The following PKNOX1 variants were observed in gnomAD, a reference collection of about 807,000 sequenced individuals.
The protein encoded by PKNOX1 is homeobox protein PKNOX1.
Under a neutral mutation model 51.9 loss-of-function variants are expected in PKNOX1, and 15 were observed. The observed-to-expected ratio is 0.29, with a 90% CI of 0.19 to 0.45. The LOEUF (loss-of-function observed/expected upper bound fraction) is 0.45. Ranked by LOEUF, PKNOX1 falls within the 20% of genes least tolerant of loss-of-function variation. The probability of loss-of-function intolerance (pLI) is 1.00; values close to 1 mark genes in which losing one functional copy is unlikely to be tolerated. For missense variants in PKNOX1, 462 were observed against 547.5 expected, an observed-to-expected ratio of 0.84 and a Z score of 1.56; for synonymous variants, 219 against 211.1, an observed-to-expected ratio of 1.04 and a Z score of -0.32.
At chr21:43,020,031 C>A (rs2146286395) in intron 7 of PKNOX1, among the ~76,000 whole-genome samples, 1 of 150,472 alleles carries the variant, frequency 6.6e-6, no homozygotes, top group East Asian at 2.0e-4. Context: ...CTCCCAGGCT[C>A]AAGCAATCCT....
chr21:43,007,376 T>G, intron 2 of PKNOX1, 115 bp from the exon 3 acceptor site: 1 of 882,692 alleles, frequency 1.1e-6, no homozygotes, highest in Non-Finnish European at 1.8e-6. Flanking sequence ...TTACATATGA[T>G]TGCAGTCATA....
intron 7 of PKNOX1, among the ~76,000 whole-genome samples, chr21:43,019,417 A>AAC (rs1017040212): frequency 1.3e-4 from 19 of 151,336 alleles, no homozygotes; most frequent in African/African-American, 4.6e-4. Context: ...AACAAAAAAA[A>AAC]AACACACATT....
At chr21:43,014,235 A>C (rs911776085) in intron 5 of PKNOX1, among the ~76,000 whole-genome samples, 5 of 151,852 alleles carry the variant, frequency 3.3e-5, no homozygotes, top group African/African-American at 4.8e-5. Flanking sequence ...ATTAGCCAGG[A>C]TGGTCTCGAT....
chr21:42,987,339 GC>G (rs1465954423), intron 1 of PKNOX1, among the ~76,000 whole-genome samples: 7 of 132,970 alleles, frequency 5.3e-5, no homozygotes, highest in Non-Finnish European at 9.3e-5. Flanking sequence ...CTGAGATCGT[GC>G]CATTACACTC....
chr21:42,992,714 T>C (rs528532860), intron 1 of PKNOX1, among the ~76,000 whole-genome samples: 2 of 151,082 alleles, frequency 1.3e-5, no homozygotes, highest in South Asian at 4.2e-4. Context: ...AGAGGAGGTC[T>C]TCACAGCACT....
At position 43,021,948 on chromosome 21, in the gene PKNOX1, C is replaced by G. The variant is rs748167835; in HGVS notation, c.849+517C>G. Among the ~76,000 whole-genome samples, 1 of 152,234 alleles carries G rather than the reference C, an allele frequency of 6.6e-6. No homozygotes were observed. Among genetic ancestry groups the G allele is most frequent in the Non-Finnish European group, 1.5e-5 (1 of 68,036 alleles). ...CCCCCGGGCCATGGCCGCGTCTTCT[C>G]CCTGTCCCCAGGACATCTTAGGAAG... On this transcript the variant is annotated intron_variant, in intron 8 of 10. Coordinates refer to ENST00000291547, the MANE Select transcript of PKNOX1 (RefSeq NM_004571.5). This position sits in a 1 kb window ranked among gnomAD's most constrained non-coding sequence, Gnocchi z 4.6.
intron 1 of PKNOX1, among the ~76,000 whole-genome samples, chr21:42,981,904 G>C (rs2059028254): frequency 6.6e-6 from 1 of 152,194 alleles, no homozygotes; most frequent in East Asian, 1.9e-4. Flanking sequence ...CTGTATTGTT[G>C]CTGGGCCTCT....
intron 1 of PKNOX1, among the ~76,000 whole-genome samples, chr21:42,991,076 T>A (rs993387810): frequency 2.0e-5 from 3 of 152,174 alleles, no homozygotes; most frequent in Non-Finnish European, 4.4e-5. Context: ...AAATATTCAG[T>A]GTGCCCAGGT....
In PKNOX1 at chr21:43,009,043, G is replaced by A. The variant is rs987015631; in HGVS notation, c.180-1010G>A. Among the ~76,000 whole-genome samples, 115 of 152,216 alleles carry A rather than the reference G, an allele frequency of 7.6e-4. 1 individual carries two copies. The highest frequency in any genetic ancestry group is 2.3e-3 in the African/African-American group (95 of 41,538). Reference sequence around the variant, plus strand: ...GTAAAAGGAATGAAGTGGCGGGCGCGGTGGCTCATGCCTGTAATCCCAGGA... The same window carrying A: ...GTAAAAGGAATGAAGTGGCGGGCGCAGTGGCTCATGCCTGTAATCCCAGGA... On this transcript the variant is annotated intron_variant, in intron 3 of 10. Coordinates refer to ENST00000291547, the MANE Select transcript of PKNOX1 (RefSeq NM_004571.5).
chr21:43,024,994 A>G (rs368748944), intron 9 of PKNOX1, 47 bp downstream of exon 9: 1 of 1,184,602 alleles, frequency 8.4e-7, no homozygotes. Flanking sequence ...ACGGTAGAGC[A>G]CTTGGAAACC....
rs543795950 is a variant in PKNOX1 at position 43,030,062 on chromosome 21, C to T, written c.1272C>T (p.Ile424=). The T allele has an allele frequency of 1.1e-5, 18 of 1,609,782 alleles. No individual in the cohort carries two copies. Among genetic ancestry groups the T allele is most frequent in the Admixed American group, 1.7e-5 (1 of 59,934 alleles). ...EDAGALAPAH[I]SGLVLENSDS... is the part of the protein sequence containing the mutation. The stretch of plus-strand genomic sequence containing the variant: ...CGGGTGCCCTGGCCCCTGCCCACAT[C>T]AGCGGGCTGGTCTTGGAGAACAGTG... The change falls in exon 11 of 11, where the codon ATC becomes ATT. Residue 424 remains isoleucine, a synonymous_variant. Coordinates refer to ENST00000291547, the MANE Select transcript of PKNOX1 (RefSeq NM_004571.5).
intron 3 of PKNOX1, among the ~76,000 whole-genome samples, chr21:43,008,946 T>C (rs1979119328): frequency 6.6e-6 from 1 of 152,194 alleles, no homozygotes; most frequent in African/African-American, 2.4e-5. Context: ...CTGGAAACAG[T>C]GCCCATGCCC....
At chr21:42,989,805 G>A (rs1326927088) in intron 1 of PKNOX1, among the ~76,000 whole-genome samples, 4 of 152,120 alleles carry the variant, frequency 2.6e-5, no homozygotes, top group African/African-American at 7.2e-5. Flanking sequence ...TACAGGCATA[G>A]TTAATAATCA....
Position 43,031,883 on chromosome 21 carries a change from C to CA in PKNOX1, c.*1783dup, listed in dbSNP as rs1034583930. 15 of 164,260 alleles carry CA rather than the reference C, an allele frequency of 9.1e-5. No individual in the cohort carries two copies. The East Asian group carries it at 2.5e-3, about 27-fold the overall frequency. The allele number at this position is 164,260 out of a possible 1,614,324, so 10.2% of individuals were successfully genotyped here. A position where few individuals can be genotyped will look rare whatever the true frequency, so the allele number is the denominator to read the frequency against. On this transcript the variant is annotated 3_prime_UTR_variant, in exon 11 of 11. Transcript: ENST00000291547. ...AGAGAATGACATTTTTTTTTTGAGA[C>CA]AGAGTTTTGCTCTTGTTGCCCAGGC... is the stretch of plus-strand genomic sequence containing the variant.
intron 1 of PKNOX1, among the ~76,000 whole-genome samples, chr21:42,983,050 G>T (rs111939417): frequency 0.035 from 5,347 of 152,132 alleles, 135 homozygotes; most frequent in Middle Eastern, 0.061. Flanking sequence ...CCTCAGATGA[G>T]CTGCCCACTG....
rs138640806 is a variant in PKNOX1, at chr21:43,001,372, C to T, written c.-56-2954C>T. On this transcript the variant is annotated intron_variant, in intron 1 of 10. Transcript: ENST00000291547. Reference sequence around the variant, plus strand: ...TTGCTCAGTCACAGCCTTCTCCCTGCAGGCTCTCCTGCTCATTGGCAGCAC... The same window carrying T: ...TTGCTCAGTCACAGCCTTCTCCCTGTAGGCTCTCCTGCTCATTGGCAGCAC... Among the ~76,000 whole-genome samples, 373 of 152,332 alleles carry T rather than the reference C, an allele frequency of 2.4e-3. 1 individual carries two copies. The highest frequency in any genetic ancestry group is 8.6e-3 in the African/African-American group (356 of 41,572).
intron 1 of PKNOX1, among the ~76,000 whole-genome samples, chr21:42,976,898 A>G (rs1246104778): frequency 6.6e-6 from 1 of 152,242 alleles, no homozygotes; most frequent in Non-Finnish European, 1.5e-5. Context: ...TCACTACCAC[A>G]GCTATAGCCT....
chr21:43,008,575 C>G (rs1013826746), intron 3 of PKNOX1, among the ~76,000 whole-genome samples: 3 of 152,054 alleles, frequency 2.0e-5, no homozygotes, highest in African/African-American at 2.4e-5. Flanking sequence ...GTCAGGAGTT[C>G]AAGACCAGAC....
Position 43,033,816 on chromosome 21 carries a change from A to C in PKNOX1, c.*3715A>C, listed in dbSNP as rs1980381981. The C allele has an allele frequency of 6.6e-6, 1 of 152,228 alleles. No individual in the cohort carries two copies. Among genetic ancestry groups the C allele is most frequent in the African/African-American group, 2.4e-5 (1 of 41,468 alleles). The allele number at this position is 152,228 out of a possible 1,614,324, so 9.4% of individuals were successfully genotyped here. A position where few individuals can be genotyped will look rare whatever the true frequency, so the allele number is the denominator to read the frequency against. ...ATTGGCTGTTCAGGCAGAAAATGGAAACAGGTAGCTTTTATGTTTTTTATT... is the reference window on the plus strand; with the variant it reads ...ATTGGCTGTTCAGGCAGAAAATGGACACAGGTAGCTTTTATGTTTTTTATT... On this transcript the variant is annotated 3_prime_UTR_variant, in exon 11 of 11. Transcript: ENST00000291547.
Sources: allele counts gnomAD v4.1 joint callset (sites outside exome capture counted in the v4.1 genomes callset), GRCh38; gene constraint gnomAD v4.1.1; non-coding constraint Gnocchi (gnomAD v3.1); transcripts MANE v1.5; gene names NCBI Gene and HGNC (gene_info 2026-07-23, HGNC 2026-07-21).